LYST: variants seen among roughly 807,000 people sequenced by gnomAD.
The protein encoded by LYST is lysosomal trafficking regulator.
In LYST, 192 loss-of-function variants were observed where a neutral mutation model predicts 413.6. That is an observed-to-expected ratio of 0.46 (90% CI 0.41 to 0.52). The LOEUF (loss-of-function observed/expected upper bound fraction) is 0.52. Ranked by LOEUF, LYST falls within the 20% of genes least tolerant of loss-of-function variation. LYST has a pLI of 0.00. For missense variants in LYST, 3,815 were observed against 4,499.9 expected (o/e 0.85, Z 4.35); for synonymous variants, 1,525 against 1,567.3 (o/e 0.97, Z 0.64).
intron 28 of LYST, among the ~76,000 whole-genome samples, chr1:235,747,879 A>T (rs1194157933): frequency 6.6e-6 from 1 of 152,224 alleles, no homozygotes; most frequent in African/African-American, 2.4e-5. Flanking sequence ...AACAGAGCTT[A>T]CTTCACCGGT....
In LYST at chr1:235,791,809, C is replaced by T; in HGVS notation, c.4433G>A (p.Trp1478Ter). The T allele has an allele frequency of 6.2e-7, 1 of 1,614,012 alleles. No individual in the cohort carries two copies. The highest frequency in any genetic ancestry group is 1.7e-5 in the Admixed American group (1 of 60,012). Residue 1478 changes from tryptophan to a stop codon, truncating the protein, a stop_gained, in exon 12 of 53, where the codon TGG (tryptophan) becomes TAG (stop). Coordinates refer to ENST00000389793, the MANE Select transcript of LYST (RefSeq NM_000081.4). LOFTEE classifies it high-confidence loss of function. ...TTCATGGATACACTCCACATTAAAC[C>T]ACAGGGAAACACTGAAACCTTCTGA... ...HLSEGFSVSL[W>*]FNVECIHEAE...
At chr1:235,754,203 T>C (rs2103320716) in intron 25 of LYST, among the ~76,000 whole-genome samples, 1 of 150,590 alleles carries the variant, frequency 6.6e-6, no homozygotes, top group Non-Finnish European at 1.5e-5. Context: ...TGAGAATACA[T>C]GAGCTATCTT....
intron 42 of LYST, among the ~76,000 whole-genome samples, chr1:235,713,956 T>C (rs1183518709): frequency 2.0e-5 from 3 of 152,190 alleles, no homozygotes; most frequent in South Asian, 2.1e-4. Flanking sequence ...AGTTGATTGG[T>C]AGTTTTATAT....
intron 48 of LYST, among the ~76,000 whole-genome samples, chr1:235,680,404 A>C (rs1480777392): frequency 6.6e-6 from 1 of 151,798 alleles, no homozygotes; most frequent in Non-Finnish European, 1.5e-5. Flanking sequence ...ATAGGTATGC[A>C]CTACCATGCC....
intron 48 of LYST, among the ~76,000 whole-genome samples, chr1:235,678,981 T>A (rs1659601640): frequency 2.0e-5 from 3 of 152,334 alleles, no homozygotes; most frequent in African/African-American, 7.2e-5. Flanking sequence ...GGTACAGCTA[T>A]CTATCTTAGC....
intron 6 of LYST, among the ~76,000 whole-genome samples, chr1:235,805,345 A>G (rs1672696918): frequency 6.6e-6 from 1 of 152,124 alleles, no homozygotes; most frequent in East Asian, 1.9e-4. Flanking sequence ...AGCATTAGCT[A>G]TGAGCATCCT....
At chr1:235,855,367 C>T (rs6682344) in intron 1 of LYST, among the ~76,000 whole-genome samples, 67,563 of 151,930 alleles carry the variant, frequency 0.44, 16,251 homozygotes, top group African/African-American at 0.61. Flanking sequence ...CTCTGAGAAA[C>T]AGACACATTT....
At chr1:235,857,982 C>T (rs1679406320) in intron 1 of LYST, among the ~76,000 whole-genome samples, 1 of 152,108 alleles carries the variant, frequency 6.6e-6, no homozygotes, top group Non-Finnish European at 1.5e-5. Flanking sequence ...TAGTTGTCAC[C>T]TACTGACCTT....
rs1346783270 is a variant in LYST at position 235,752,054 on chromosome 1, A to G, written c.7578T>C (p.Leu2526=). 6.2e-7 allele frequency: 1 copy of G among 1,610,098 alleles called. No individual in the cohort carries two copies. The highest frequency in any genetic ancestry group is 1.7e-5 in the Admixed American group (1 of 59,932). The change falls in exon 27 of 53, where the codon CTT becomes CTC. Residue 2526 remains leucine (L), a synonymous_variant. Transcript: ENST00000389793. ...TTTGAAGATATCCAAGCATTACAAT[A>G]AGGTCTTCAATAACCCTAAAATATT... The part of the protein sequence containing the change: ...GSQYFRVIED[L]IVMLGYLQNS...
chr1:235,873,167 T>G (rs1318116964), intron 1 of LYST, among the ~76,000 whole-genome samples: 1 of 152,204 alleles, frequency 6.6e-6, no homozygotes, highest in African/African-American at 2.4e-5. Flanking sequence ...GGTATTGTGT[T>G]GAGTCCTGAC....
intron 16 of LYST, among the ~76,000 whole-genome samples, chr1:235,780,473 C>T (rs1340739755): frequency 2.6e-5 from 4 of 151,342 alleles, no homozygotes; most frequent in African/African-American, 9.7e-5. Flanking sequence ...CTAAAACTAA[C>T]ATTATAAATG....
chr1:235,668,203 C>CAT (rs58347376), intron 50 of LYST, among the ~76,000 whole-genome samples: 2,912 of 151,072 alleles, frequency 0.019, 47 homozygotes, highest in African/African-American at 0.046. Flanking sequence ...CATACATAGA[C>CAT]ATATATATAT....
chr1:235,793,914 C>T (rs891848641), intron 10 of LYST, among the ~76,000 whole-genome samples: 3 of 152,058 alleles, frequency 2.0e-5, no homozygotes, highest in Non-Finnish European at 4.4e-5. Flanking sequence ...CTCACTGCAA[C>T]CTCCACCTCC....
intron 1 of LYST, among the ~76,000 whole-genome samples, chr1:235,866,572 G>A (rs995369595): frequency 1.3e-5 from 2 of 152,234 alleles, no homozygotes. Context: ...GGCCCAGAGG[G>A]GCCCAGCCGA....
intron 10 of LYST, among the ~76,000 whole-genome samples, chr1:235,794,991 G>A (rs1464528899): frequency 6.6e-6 from 1 of 152,020 alleles, no homozygotes; most frequent in Non-Finnish European, 1.5e-5. Flanking sequence ...ATATGTGGGG[G>A]CAGTGGGCAT....
intron 5 of LYST, 29 bp from the exon 6 acceptor site, chr1:235,806,801 G>C (rs371833566): frequency 6.8e-7 from 1 of 1,475,494 alleles, no homozygotes; most frequent in South Asian, 1.1e-5. Context: ...ATGTAAAAAG[G>C]TTTAAATAAA....
chr1:235,806,674 T>G lies in LYST; in HGVS notation c.2462A>C (p.Glu821Ala). ...CTCCCCTAGGCTGATTATCAGAGTTTCAAATGCTTTTAGAGAATGACTTCG... is the reference window on the plus strand; with the variant it reads ...CTCCCCTAGGCTGATTATCAGAGTTGCAAATGCTTTTAGAGAATGACTTCG... ...GIRSHSLKAF[E>A]TLIISLGEQQ... The change falls in exon 6 of 53, where the codon GAA becomes GCA. Residue 821 changes from glutamate (E) to alanine (A), a missense_variant. Physicochemically the swap from Glu to Ala is moderately radical, Grantham distance 107. This residue lies in a region of LYST where 1,648 missense variants were observed against 1,810.3 expected (regional missense o/e 0.91). Transcript: ENST00000389793. The G allele has an allele frequency of 6.2e-7, 1 of 1,613,844 alleles. No individual in the cohort carries two copies. The highest frequency in any genetic ancestry group is 8.5e-7 in the Non-Finnish European group (1 of 1,179,738).
At chr1:235,746,685 G>T (rs2103283134) in intron 28 of LYST, among the ~76,000 whole-genome samples, 158 bp from the exon 29 acceptor site, 1 of 152,170 alleles carries the variant, frequency 6.6e-6, no homozygotes, top group Non-Finnish European at 1.5e-5. Flanking sequence ...AGAAAATGAT[G>T]CTTCTCCCTC....
chr1:235,868,605 G>A (rs1003506760), upstream of LYST, among the ~76,000 whole-genome samples: 37 of 152,156 alleles, frequency 2.4e-4, no homozygotes, highest in Admixed American at 1.6e-3. Context: ...GATGATAATG[G>A]TATACAATTG....
Sources: allele counts gnomAD v4.1 joint callset (sites outside exome capture counted in the v4.1 genomes callset), GRCh38; gene constraint gnomAD v4.1.1; regional missense constraint gnomAD v4.1.1; transcripts MANE v1.5; gene names NCBI Gene and HGNC (gene_info 2026-07-23, HGNC 2026-07-21).